Variants in PTPRD observed in about 807,000 individuals in gnomAD.
PTPRD encodes protein tyrosine phosphatase receptor type D.
A neutral mutation model predicts 214.5 loss-of-function variants in PTPRD; 34 were observed. That is an observed-to-expected ratio of 0.16 (90% confidence interval 0.12 to 0.21). The LOEUF is 0.21. Ranked by LOEUF, PTPRD falls within the 10% of genes least tolerant of loss-of-function variation. The pLI is 1.00. For synonymous variants in PTPRD, 1,128 were observed against 845.7 expected, an observed-to-expected ratio of 1.33 and a Z score of -5.79; for missense variants, 2,545 against 2,398.7, an observed-to-expected ratio of 1.06 and a Z score of -1.27.
chr9:10,057,337 A>G (rs2097671461), intron 3 of PTPRD, among the ~76,000 whole-genome samples: 1 of 152,170 alleles, frequency 6.6e-6, no homozygotes, highest in Non-Finnish European at 1.5e-5. Context: ...AAATTTAATG[A>G]AGGAAATAGT....
chr9:10,585,442 T>C (rs2073576287), intron 2 of PTPRD, among the ~76,000 whole-genome samples: 1 of 146,786 alleles, frequency 6.8e-6, no homozygotes. Context: ...GACAGACATA[T>C]TCTCCAATTC....
chr9:9,886,444 G>A (rs2070953965), intron 5 of PTPRD, among the ~76,000 whole-genome samples: 1 of 152,120 alleles, frequency 6.6e-6, no homozygotes, highest in Non-Finnish European at 1.5e-5. Context: ...AAAAAGGGAG[G>A]TTTAAAAGGA....
chr9:10,094,077 T>C (rs148757306), intron 3 of PTPRD, among the ~76,000 whole-genome samples: 155 of 151,488 alleles, frequency 1.0e-3, no homozygotes, highest in African/African-American at 3.4e-3. Flanking sequence ...CATGTACCTG[T>C]TGAATCCAAA....
At chr9:10,226,812 T>G (rs568702679) in intron 3 of PTPRD, among the ~76,000 whole-genome samples, 2 of 152,196 alleles carry the variant, frequency 1.3e-5, no homozygotes, top group African/African-American at 2.4e-5. Context: ...GTTTAAACTC[T>G]AACTTATGTT....
chr9:8,375,966 G>A lies in PTPRD; in HGVS notation c.4631C>T (p.Pro1544Leu), dbSNP rs2134803524. Reference sequence around the variant, plus strand: ...GTGCACAACCATCGGACCAGCATCGGGAGGGTTACAGGTTTTGACTCTACG... The same window carrying A: ...GTGCACAACCATCGGACCAGCATCGAGAGGGTTACAGGTTTTGACTCTACG... Reference protein sequence around the residue: ...FLRRVKTCNPPDAGPMVVHCS... With the variant: ...FLRRVKTCNPLDAGPMVVHCS... Residue 1544 changes from proline (P) to leucine (L), a missense_variant, in exon 39 of 46, where the codon CCC becomes CTC. By Grantham distance (98) the Pro-to-Leu change is moderately conservative. Transcript: ENST00000381196. 6.2e-7 allele frequency: 1 copy of A among 1,612,734 alleles called. No homozygotes were observed. Among genetic ancestry groups the A allele is most frequent in the Non-Finnish European group, 8.5e-7 (1 of 1,179,136 alleles).
At chr9:10,262,075 A>G (rs1318579343) in intron 3 of PTPRD, among the ~76,000 whole-genome samples, 1 of 152,184 alleles carries the variant, frequency 6.6e-6, no homozygotes, top group Non-Finnish European at 1.5e-5. Context: ...TGACCAGGTC[A>G]CCTATTACAT....
chr9:10,389,869 T>C (rs959169318), intron 2 of PTPRD, among the ~76,000 whole-genome samples: 5 of 151,856 alleles, frequency 3.3e-5, no homozygotes, highest in Non-Finnish European at 5.9e-5. Context: ...TATTTGACTT[T>C]GAAGGCACCT....
At chr9:9,090,816 T>C in intron 10 of PTPRD, 2 of 722,092 alleles carry the variant, frequency 2.8e-6, no homozygotes, top group Admixed American at 3.9e-5. Context: ...CTTAATGACA[T>C]CTCAATGATA....
At chr9:8,863,988 A>C (rs887931694) in intron 11 of PTPRD, among the ~76,000 whole-genome samples, 2 of 152,242 alleles carry the variant, frequency 1.3e-5, no homozygotes, top group Non-Finnish European at 2.9e-5. Flanking sequence ...AGAAGTCACC[A>C]GAAAGCTAGT....
At position 9,157,990 on chromosome 9, in the gene PTPRD, G is replaced by A. The variant is rs117458266; in HGVS notation, c.-143+25314C>T. 4.4e-3 allele frequency among the ~76,000 whole-genome samples: 667 copies of A among 152,132 alleles called. 1 individual carries two copies. The highest frequency in any genetic ancestry group is 6.5e-3 in the Non-Finnish European group (444 of 68,006). On this transcript the variant is annotated intron_variant, in intron 10 of 45. Coordinates refer to ENST00000381196, the MANE Select transcript of PTPRD (RefSeq NM_002839.4). ...GTAGTGTTCGGTTTTCTGTTCCTGC[G>A]TGTTTGCTAAGAATAATGGCTTCCA...
intron 14 of PTPRD, among the ~76,000 whole-genome samples, chr9:8,569,907 C>T (rs1225725996): frequency 6.6e-6 from 1 of 152,064 alleles, no homozygotes. Context: ...ATGAAAGTTT[C>T]AGATTTGGGA....
chr9:10,224,103 C>T (rs914772827), intron 3 of PTPRD, among the ~76,000 whole-genome samples: 1 of 151,884 alleles, frequency 6.6e-6, no homozygotes, highest in East Asian at 2.0e-4. Context: ...TTTCAGTTGC[C>T]TCTTGAGAAT....
chr9:10,095,990 A>G (rs775206881), intron 3 of PTPRD, among the ~76,000 whole-genome samples: 3 of 151,516 alleles, frequency 2.0e-5, no homozygotes, highest in Non-Finnish European at 4.4e-5. Flanking sequence ...TTCCCATTCT[A>G]TGTGAATTCT....
At chr9:9,274,862 G>C (rs188291251) in intron 9 of PTPRD, among the ~76,000 whole-genome samples, 115 of 148,970 alleles carry the variant, frequency 7.7e-4, no homozygotes, top group Non-Finnish European at 4.8e-4. Flanking sequence ...TATAGGTTTA[G>C]ATAGGAATGA....
At chr9:8,727,523 A>T (rs1447253586) in intron 12 of PTPRD, among the ~76,000 whole-genome samples, 2 of 152,346 alleles carry the variant, frequency 1.3e-5, no homozygotes, top group South Asian at 2.1e-4. Context: ...AGGCTGATAA[A>T]CATGGCTACG....
At chr9:9,463,058 T>G (rs1182022396) in intron 8 of PTPRD, among the ~76,000 whole-genome samples, 2 of 150,840 alleles carry the variant, frequency 1.3e-5, no homozygotes, top group Non-Finnish European at 2.9e-5. Context: ...AACAAAAGCC[T>G]TTGTGGCACC....
At chr9:9,929,579 A>T (rs996354264) in intron 5 of PTPRD, among the ~76,000 whole-genome samples, 5 of 152,136 alleles carry the variant, frequency 3.3e-5, no homozygotes, top group African/African-American at 4.8e-5. Context: ...TTTTTAGTAG[A>T]GACAGGGTTT....
intron 7 of PTPRD, among the ~76,000 whole-genome samples, chr9:9,718,136 C>T (rs898331666): frequency 6.6e-6 from 1 of 151,984 alleles, no homozygotes; most frequent in South Asian, 2.1e-4. Flanking sequence ...AAGAAATAGA[C>T]ACAAATACAA....
At chr9:9,968,799 T>G (rs1331105424) in intron 4 of PTPRD, among the ~76,000 whole-genome samples, 2 of 152,108 alleles carry the variant, frequency 1.3e-5, no homozygotes, top group Non-Finnish European at 1.5e-5. Flanking sequence ...CTTAATTCAG[T>G]TTGGCATTAG....
Sources: allele counts gnomAD v4.1 joint callset (sites outside exome capture counted in the v4.1 genomes callset), GRCh38; gene constraint gnomAD v4.1.1; transcripts MANE v1.5; gene names NCBI Gene and HGNC (gene_info 2026-07-23, HGNC 2026-07-21).